Variants in UNC5C observed in about 807,000 individuals in gnomAD.
The protein encoded by UNC5C is unc-5 netrin receptor C, also known as netrin receptor UNC5C.
A neutral mutation model predicts 99.8 loss-of-function variants in UNC5C; 47 were observed. The observed-to-expected ratio is 0.47, with a 90% CI of 0.37 to 0.60. UNC5C has a LOEUF of 0.60. UNC5C is among the 20% of genes least tolerant of loss of function. The pLI is 0.00. For synonymous variants in UNC5C, 487 were observed against 452.2 expected (o/e 1.08, Z -0.98); for missense variants, 1,062 against 1,165.9 (o/e 0.91, Z 1.30).
intron 1 of UNC5C, among the ~76,000 whole-genome samples, chr4:95,392,219 C>T (rs781155585): frequency 1.8e-4 from 28 of 151,988 alleles, no homozygotes; most frequent in Admixed American, 1.2e-3. Flanking sequence ...TCCCTTCACT[C>T]CCTAGAAACT....
intron 1 of UNC5C, among the ~76,000 whole-genome samples, chr4:95,461,024 T>C (rs1747584399): frequency 6.6e-6 from 1 of 152,242 alleles, no homozygotes. Context: ...TTTCTGATAT[T>C]TTGGCATATT....
chr4:95,179,348 G>C (rs2149348613), intron 14 of UNC5C, among the ~76,000 whole-genome samples: 1 of 152,328 alleles, frequency 6.6e-6, no homozygotes, highest in African/African-American at 2.4e-5. Context: ...AATATTATTT[G>C]TGTATACAGA....
chr4:95,369,816 A>C (rs1033467765), intron 1 of UNC5C, among the ~76,000 whole-genome samples: 1 of 152,178 alleles, frequency 6.6e-6, no homozygotes, highest in Non-Finnish European at 1.5e-5. Context: ...ATGAATAAAT[A>C]GGAAGGACGG....
intron 1 of UNC5C, among the ~76,000 whole-genome samples, chr4:95,534,420 G>A (rs913452075): frequency 6.6e-6 from 1 of 152,076 alleles, no homozygotes; most frequent in Non-Finnish European, 1.5e-5. Context: ...ATTTTACAAT[G>A]ACACATTTTA....
intron 12 of UNC5C, among the ~76,000 whole-genome samples, chr4:95,192,430 G>T: frequency 3.4e-5 from 2 of 58,378 alleles, no homozygotes; most frequent in Admixed American, 2.6e-4. Flanking sequence ...CTCCTCCCCT[G>T]TTCACCTCCT....
chr4:95,195,951 C>A (rs1322557136), intron 12 of UNC5C, among the ~76,000 whole-genome samples: 1 of 150,366 alleles, frequency 6.7e-6, no homozygotes, highest in Non-Finnish European at 1.5e-5. Context: ...TGATTTATAT[C>A]ACAAATACAT....
intron 3 of UNC5C, among the ~76,000 whole-genome samples, chr4:95,279,861 G>A (rs1046679956): frequency 6.6e-6 from 1 of 152,136 alleles, no homozygotes; most frequent in Non-Finnish European, 1.5e-5. Context: ...TGACTGCTGG[G>A]GCGGGGCATG....
At chr4:95,180,987 C>T (rs17023127) in intron 14 of UNC5C, among the ~76,000 whole-genome samples, 13,281 of 152,136 alleles carry the variant, frequency 0.087, 1,323 homozygotes, top group African/African-American at 0.25. Context: ...TGTTCTTCAG[C>T]GCAGAGGCTT....
At chr4:95,410,180 G>A (rs1335983040) in intron 1 of UNC5C, among the ~76,000 whole-genome samples, 1 of 152,172 alleles carries the variant, frequency 6.6e-6, no homozygotes, top group Middle Eastern at 3.4e-3. Flanking sequence ...AGATGACACC[G>A]CTGATTTTCA....
At chr4:95,502,094 C>A (rs1369937151) in intron 1 of UNC5C, among the ~76,000 whole-genome samples, 1 of 152,058 alleles carries the variant, frequency 6.6e-6, no homozygotes, top group Non-Finnish European at 1.5e-5. Context: ...GTGCTGTGTT[C>A]TTACTTCATT....
At chr4:95,216,373 C>G (rs1056575049) in intron 9 of UNC5C, among the ~76,000 whole-genome samples, 162 bp from the exon 10 acceptor site, 1 of 152,098 alleles carries the variant, frequency 6.6e-6, no homozygotes, top group African/African-American at 2.4e-5. Context: ...GCCTCCTTAC[C>G]ACGGCTCCCT....
intron 3 of UNC5C, among the ~76,000 whole-genome samples, chr4:95,298,398 T>G (rs559029422): frequency 6.6e-6 from 1 of 152,326 alleles, no homozygotes; most frequent in South Asian, 2.1e-4. Context: ...GCTCCCATCT[T>G]TAGCCCAGGC....
intron 1 of UNC5C, among the ~76,000 whole-genome samples, chr4:95,401,707 A>T (rs890043962): frequency 1.3e-5 from 2 of 152,230 alleles, no homozygotes; most frequent in Admixed American, 6.5e-5. Flanking sequence ...GCTGAGTCAG[A>T]GCCCCTACTT....
intron 1 of UNC5C, among the ~76,000 whole-genome samples, chr4:95,492,559 C>T (rs1463377506): frequency 6.6e-6 from 1 of 150,964 alleles, no homozygotes; most frequent in South Asian, 2.1e-4. Context: ...TGCATTAATG[C>T]TTTTAGCTGT....
chr4:95,185,015 T>A, intron 13 of UNC5C, 32 bp downstream of exon 13: 2 of 1,595,262 alleles, frequency 1.3e-6, no homozygotes, highest in Non-Finnish European at 1.7e-6. Flanking sequence ...TAGAGATGTC[T>A]CCAGACCTTT....
chr4:95,453,633 C>A (rs537701662), intron 1 of UNC5C, among the ~76,000 whole-genome samples: 1 of 151,978 alleles, frequency 6.6e-6, no homozygotes, highest in African/African-American at 2.4e-5. Context: ...CAGCAAACAC[C>A]AAGGACTGAA....
intron 1 of UNC5C, among the ~76,000 whole-genome samples, chr4:95,398,043 G>C (rs1440212144): frequency 2.6e-5 from 2 of 76,956 alleles, no homozygotes; most frequent in African/African-American, 9.4e-5. Context: ...GCCAAATGTA[G>C]CTTTTTTTTT....
intron 1 of UNC5C, among the ~76,000 whole-genome samples, chr4:95,384,579 G>A (rs139583664): frequency 7.2e-5 from 11 of 152,196 alleles, no homozygotes; most frequent in African/African-American, 2.2e-4. Flanking sequence ...AAAGGCTGGA[G>A]AGTGGGTAAG....
At chr4:95,539,082 C>T (rs1722850940) in intron 1 of UNC5C, among the ~76,000 whole-genome samples, 1 of 152,212 alleles carries the variant, frequency 6.6e-6, no homozygotes, top group African/African-American at 2.4e-5. Flanking sequence ...CTTCTTCAAT[C>T]AGCCCACATG....
Sources: allele counts gnomAD v4.1 joint callset (sites outside exome capture counted in the v4.1 genomes callset), GRCh38; gene constraint gnomAD v4.1.1; transcripts MANE v1.5; gene names NCBI Gene and HGNC (gene_info 2026-07-23, HGNC 2026-07-21).